NDE1: variants seen among roughly 807,000 people sequenced by gnomAD.
The protein encoded by NDE1 is nuclear distribution protein nudE homolog 1.
Under a neutral mutation model 43.4 loss-of-function variants are expected in NDE1, and 28 were observed. The observed-to-expected ratio is 0.65, with a 90% CI of 0.48 to 0.89. The LOEUF (loss-of-function observed/expected upper bound fraction) is 0.89. Ranked by LOEUF, NDE1 falls within the 40% of genes least tolerant of loss-of-function variation. The probability of loss-of-function intolerance (pLI) is 0.00; values close to 1 mark genes in which losing one functional copy is unlikely to be tolerated. For missense variants in NDE1, 441 were observed against 434.1 expected (o/e 1.02, Z -0.14); for synonymous variants, 184 against 172.0 (o/e 1.07, Z -0.55).
At chr16:15,672,109 A>C (rs1023550045) in intron 3 of NDE1, among the ~76,000 whole-genome samples, 1 of 152,012 alleles carries the variant, frequency 6.6e-6, no homozygotes, top group East Asian at 1.9e-4. Flanking sequence ...GTAAAATATC[A>C]AGAGAATTAC....
chr16:15,693,580 C>T (rs1488104264), intron 6 of NDE1, among the ~76,000 whole-genome samples: 2 of 151,972 alleles, frequency 1.3e-5, no homozygotes, highest in Non-Finnish European at 2.9e-5. Context: ...GTGGGAGGAT[C>T]GCTTGAAACT....
chr16:15,716,526 G>C (rs180773777), intron 8 of NDE1, among the ~76,000 whole-genome samples: 1 of 148,478 alleles, frequency 6.7e-6, no homozygotes, highest in Non-Finnish European at 1.5e-5. Flanking sequence ...TTTTTTTTGT[G>C]TGTGTGTATG....
At chr16:15,664,278 T>A (rs2151434380) in intron 1 of NDE1, among the ~76,000 whole-genome samples, 1 of 152,036 alleles carries the variant, frequency 6.6e-6, no homozygotes, top group Non-Finnish European at 1.5e-5. Context: ...ATATAACAGG[T>A]GAGTGGATTG....
At chr16:15,681,336 G>C (rs1336099137) in intron 4 of NDE1, among the ~76,000 whole-genome samples, 2 of 120,552 alleles carry the variant, frequency 1.7e-5, no homozygotes, top group African/African-American at 3.2e-5. Context: ...TGCAATTACA[G>C]CTCACTGGAG....
At chr16:15,712,306 T>G (rs975670838) in intron 8 of NDE1, among the ~76,000 whole-genome samples, 2 of 152,072 alleles carry the variant, frequency 1.3e-5, no homozygotes, top group Non-Finnish European at 2.9e-5. Context: ...ATACATGGAA[T>G]TCTAAAGCGC....
At chr16:15,659,099 A>G (rs1352988308) in intron 1 of NDE1, among the ~76,000 whole-genome samples, 1 of 152,192 alleles carries the variant, frequency 6.6e-6, no homozygotes, top group Non-Finnish European at 1.5e-5. Context: ...AAGGATGTGA[A>G]TATGAGTCCC....
rs375148396 is a variant in NDE1 at position 15,715,011 on chromosome 16, C to T, written c.948-9180C>T. ...CAGCTTCCTGCGGTTGGCGTTGATG[C>T]GCTGGGACTCCTCCTCTGCCTCCTC... On this transcript the variant is annotated intron_variant, in intron 8 of 8. Coordinates refer to ENST00000396354, the MANE Select transcript of NDE1 (RefSeq NM_017668.3). The T allele has an allele frequency of 8.1e-6, 13 of 1,613,918 alleles. No individual in the cohort carries two copies. The highest frequency in any genetic ancestry group is 1.7e-5 in the Admixed American group (1 of 60,020).
chr16:15,646,979 G>C (rs940604627), upstream of NDE1, among the ~76,000 whole-genome samples: 21 of 151,962 alleles, frequency 1.4e-4, no homozygotes, highest in Admixed American at 9.8e-4. Context: ...GAACCCGGGA[G>C]GTGGAGGTTG....
intron 8 of NDE1, among the ~76,000 whole-genome samples, chr16:15,707,070 G>A (rs907801608): frequency 6.6e-6 from 1 of 151,998 alleles, no homozygotes; most frequent in Admixed American, 6.6e-5. Flanking sequence ...ATAGAGTCTC[G>A]CTGTGTTGCC....
In NDE1 at chr16:15,719,569, C is replaced by G. The variant is rs548659957; in HGVS notation, c.948-4622C>G. The G allele has an allele frequency of 1.9e-6, 3 of 1,613,894 alleles. No individual in the cohort carries two copies. The highest frequency in any genetic ancestry group is 3.3e-5 in the Admixed American group (2 of 60,028). ...ACACCCGCATCTGAGGCTCTCCTAGCAAGGCGAGGCTTTACCTCTTGTAGC... is the reference window on the plus strand; with the variant it reads ...ACACCCGCATCTGAGGCTCTCCTAGGAAGGCGAGGCTTTACCTCTTGTAGC... On this transcript the variant is annotated intron_variant, in intron 8 of 8. Coordinates refer to ENST00000396354, the MANE Select transcript of NDE1 (RefSeq NM_017668.3).
chr16:15,714,773 G>C, intron 8 of NDE1: 1 of 1,131,684 alleles, frequency 8.8e-7, no homozygotes, highest in Non-Finnish European at 1.3e-6. Flanking sequence ...AGTGATTAAG[G>C]AGAAGCAGGA....
intron 8 of NDE1, chr16:15,701,870 G>A (rs1452272577): frequency 3.3e-5 from 5 of 152,184 alleles, no homozygotes; most frequent in African/African-American, 1.2e-4. Flanking sequence ...CACAGAAGAT[G>A]TCCTTTTATT....
At chr16:15,718,636 C>G in intron 8 of NDE1, 1 of 766,800 alleles carries the variant, frequency 1.3e-6, no homozygotes, top group Non-Finnish European at 2.0e-6. Flanking sequence ...TCCGTGTCAG[C>G]AAAGCTGGGA....
chr16:15,680,018 A>T (rs2038092572), intron 4 of NDE1, among the ~76,000 whole-genome samples: 1 of 152,150 alleles, frequency 6.6e-6, no homozygotes, highest in Admixed American at 6.6e-5. Context: ...ACCTGAGGTG[A>T]TCTGCCTGCC....
intron 4 of NDE1, among the ~76,000 whole-genome samples, chr16:15,679,978 CA>C (rs771186749): frequency 5.9e-5 from 9 of 152,096 alleles, no homozygotes; most frequent in Non-Finnish European, 1.0e-4. Context: ...GGGATTTCAC[CA>C]TGTTGGCCAA....
intron 3 of NDE1, among the ~76,000 whole-genome samples, chr16:15,671,147 C>T (rs926321715): frequency 1.3e-5 from 2 of 152,122 alleles, no homozygotes; most frequent in Admixed American, 6.6e-5. Context: ...ATTTCCCCTA[C>T]TTACTTGCCT....
intron 8 of NDE1, chr16:15,719,447 A>T: frequency 6.7e-7 from 1 of 1,484,772 alleles, no homozygotes; most frequent in Non-Finnish European, 9.3e-7. Flanking sequence ...TACATAGAGG[A>T]GGGAAGCGTG....
chr16:15,695,600 A>G (rs1250544021), intron 7 of NDE1: 4 of 985,096 alleles, frequency 4.1e-6, no homozygotes, highest in African/African-American at 1.7e-5. Context: ...AAGTAAAAAC[A>G]TAGGTATTCT....
At chr16:15,644,717 G>A (rs965764381) in intron 1 of NDE1, among the ~76,000 whole-genome samples, 1 of 152,060 alleles carries the variant, frequency 6.6e-6, no homozygotes, top group Non-Finnish European at 1.5e-5. Flanking sequence ...TAGCGTTTTG[G>A]CTTTTTTCAA....
Sources: allele counts gnomAD v4.1 joint callset (sites outside exome capture counted in the v4.1 genomes callset), GRCh38; gene constraint gnomAD v4.1.1; transcripts MANE v1.5; gene names NCBI Gene and HGNC (gene_info 2026-07-23, HGNC 2026-07-21).